PDZRN3: variants seen among roughly 807,000 people sequenced by gnomAD.
The protein encoded by PDZRN3 is PDZ domain containing ring finger 3.
PDZRN3 carries 38 observed loss-of-function variants against 85.7 expected under a neutral mutation model. That is an observed-to-expected ratio of 0.44 (90% CI 0.34 to 0.58). PDZRN3 has a LOEUF of 0.58. PDZRN3 is among the 20% of genes least tolerant of loss of function. The pLI, the probability that PDZRN3 is intolerant of heterozygous loss-of-function variation, is 0.01. For missense variants in PDZRN3, 1,629 were observed against 1,506.4 expected (o/e 1.08, Z -1.35); for synonymous variants, 759 against 638.0 (o/e 1.19, Z -2.86).
intron 3 of PDZRN3, among the ~76,000 whole-genome samples, chr3:73,502,550 GT>G (rs1164940749): frequency 7.9e-5 from 12 of 152,262 alleles, no homozygotes; most frequent in Non-Finnish European, 7.4e-5. Context: ...TACTATAGCG[GT>G]TTCCCTTCAA....
chr3:73,455,217 T>C (rs75836735), intron 3 of PDZRN3, among the ~76,000 whole-genome samples: 77 of 152,336 alleles, frequency 5.1e-4, no homozygotes, highest in Non-Finnish European at 9.6e-4. Flanking sequence ...GTACCATTTG[T>C]TATTTCATTT....
intron 3 of PDZRN3, among the ~76,000 whole-genome samples, chr3:73,491,085 C>T (rs930206922): frequency 4.6e-5 from 7 of 152,232 alleles, no homozygotes; most frequent in African/African-American, 1.4e-4. Flanking sequence ...TTTGCTCAAG[C>T]TCATAAGTGC....
At chr3:73,591,844 A>G (rs900266417) in intron 3 of PDZRN3, among the ~76,000 whole-genome samples, 3 of 152,176 alleles carry the variant, frequency 2.0e-5, no homozygotes, top group Admixed American at 6.5e-5. Context: ...CTCTGCATAT[A>G]CTGGCTGCCC....
intron 3 of PDZRN3, among the ~76,000 whole-genome samples, chr3:73,446,791 TTC>T (rs1388164839): frequency 6.6e-6 from 1 of 152,044 alleles, no homozygotes; most frequent in East Asian, 1.9e-4. Context: ...GGACCTTTTC[TTC>T]TCAGTTCCTT....
chr3:73,620,646 C>A (rs35907651), intron 1 of PDZRN3, among the ~76,000 whole-genome samples: 2 of 150,550 alleles, frequency 1.3e-5, no homozygotes, highest in African/African-American at 2.4e-5. Context: ...GCACTATCTC[C>A]GCTTACTGCA....
chr3:73,624,939 A>G lies in PDZRN3; in HGVS notation c.-114T>C, dbSNP rs1385335245. The G allele has an allele frequency of 1.3e-6, 1 of 787,336 alleles. No homozygotes were observed. The highest frequency in any genetic ancestry group is 1.7e-6 in the Non-Finnish European group (1 of 583,186). 48.8% of individuals were successfully genotyped at this position (787,336 alleles called of 1,614,324 possible). On this transcript the variant is annotated 5_prime_UTR_variant, in exon 1 of 10. Transcript: ENST00000263666. ...CCGCGCGCTCGCTGGCTCTCCCCGGACTGAGCCTAATTGATCCAGACTTCC... is the reference window on the plus strand; with the variant it reads ...CCGCGCGCTCGCTGGCTCTCCCCGGGCTGAGCCTAATTGATCCAGACTTCC...
At chr3:73,435,925 G>T (rs1482896947) in intron 3 of PDZRN3, among the ~76,000 whole-genome samples, 1 of 152,110 alleles carries the variant, frequency 6.6e-6, no homozygotes, top group Non-Finnish European at 1.5e-5. Flanking sequence ...TCTCACCTTT[G>T]TCCATCAATG....
At chr3:73,618,177 G>T (rs1702794391) in intron 1 of PDZRN3, among the ~76,000 whole-genome samples, 2 of 152,204 alleles carry the variant, frequency 1.3e-5, no homozygotes, top group African/African-American at 2.4e-5. Context: ...AACTTTCTGA[G>T]CTTCTGTTTT....
chr3:73,501,002 A>T (rs1703967437), intron 3 of PDZRN3, among the ~76,000 whole-genome samples: 2 of 152,174 alleles, frequency 1.3e-5, no homozygotes, highest in Admixed American at 1.3e-4. Context: ...AAGGGCAAGC[A>T]TGGTGTCGTA....
At chr3:73,502,804 C>T (rs1399387137) in intron 3 of PDZRN3, among the ~76,000 whole-genome samples, 1 of 152,208 alleles carries the variant, frequency 6.6e-6, no homozygotes, top group Non-Finnish European at 1.5e-5. Flanking sequence ...ATCCTAGAGC[C>T]TGGTATCATT....
At chr3:73,498,495 A>G (rs1703911567) in intron 3 of PDZRN3, among the ~76,000 whole-genome samples, 1 of 152,172 alleles carries the variant, frequency 6.6e-6, no homozygotes, top group African/African-American at 2.4e-5. Flanking sequence ...CATCAAAAAC[A>G]ATGAATTAAT....
At chr3:73,554,462 A>ACATCAT (rs940144357) in intron 3 of PDZRN3, among the ~76,000 whole-genome samples, 1 of 152,006 alleles carries the variant, frequency 6.6e-6, no homozygotes, top group African/African-American at 2.4e-5. Flanking sequence ...ATCGTCATCG[A>ACATCAT]CATCATCATC....
At chr3:73,480,895 T>C (rs1340948063) in intron 3 of PDZRN3, among the ~76,000 whole-genome samples, 1 of 152,204 alleles carries the variant, frequency 6.6e-6, no homozygotes, top group Non-Finnish European at 1.5e-5. Context: ...CCCAACAAAA[T>C]AAGAGCACAA....
intron 3 of PDZRN3, among the ~76,000 whole-genome samples, chr3:73,443,473 C>CTTTCTCTT (rs1702682690): frequency 1.8e-4 from 7 of 38,870 alleles, no homozygotes; most frequent in African/African-American, 5.1e-4. Flanking sequence ...ATTTATTTTC[C>CTTTCTCTT]TTTTTCTTTT....
intron 3 of PDZRN3, among the ~76,000 whole-genome samples, chr3:73,464,068 C>T (rs758613594): frequency 1.3e-5 from 2 of 152,318 alleles, no homozygotes; most frequent in East Asian, 3.9e-4. Flanking sequence ...TCACTGCAAC[C>T]TCTGCCTCCT....
intron 3 of PDZRN3, among the ~76,000 whole-genome samples, chr3:73,563,223 G>C (rs925382351): frequency 6.6e-6 from 1 of 150,388 alleles, no homozygotes; most frequent in African/African-American, 2.4e-5. Flanking sequence ...TTTTAGTAGA[G>C]ATGGGGTTTC....
At chr3:73,428,382 A>G (rs1702361068) in intron 3 of PDZRN3, among the ~76,000 whole-genome samples, 1 of 152,112 alleles carries the variant, frequency 6.6e-6, no homozygotes. Flanking sequence ...TAAATTCCTG[A>G]TTTGTATTCT....
intron 3 of PDZRN3, among the ~76,000 whole-genome samples, chr3:73,454,105 A>T (rs188715799): frequency 2.0e-5 from 3 of 152,210 alleles, no homozygotes; most frequent in Admixed American, 2.0e-4. Context: ...AAGATTCCTC[A>T]TTTTAAGACC....
intron 1 of PDZRN3, among the ~76,000 whole-genome samples, chr3:73,611,716 T>C (rs1021842261): frequency 6.6e-6 from 1 of 152,246 alleles, no homozygotes; most frequent in Non-Finnish European, 1.5e-5. Flanking sequence ...ATTCTGGTTT[T>C]TCCTTTTCAC....
Sources: allele counts gnomAD v4.1 joint callset (sites outside exome capture counted in the v4.1 genomes callset), GRCh38; gene constraint gnomAD v4.1.1; transcripts MANE v1.5; gene names NCBI Gene and HGNC (gene_info 2026-07-23, HGNC 2026-07-21).